The following SLC25A48 variants were observed in gnomAD, a reference collection of about 807,000 sequenced individuals.
The protein encoded by SLC25A48 is solute carrier family 25 member 48.
Under a neutral mutation model 32.2 loss-of-function variants are expected in SLC25A48, and 29 were observed. The observed-to-expected ratio is 0.90, with a 90% CI of 0.67 to 1.23. The LOEUF (loss-of-function observed/expected upper bound fraction) is 1.23, where lower values mean the gene tolerates loss of function less well. SLC25A48 is among the 50% of genes most tolerant of loss of function. The pLI is 0.00. For missense variants in SLC25A48, 399 were observed against 422.7 expected (o/e 0.94, Z 0.49); for synonymous variants, 164 against 172.3 (o/e 0.95, Z 0.38).
intron 3 of SLC25A48, chr5:135,714,821 G>A (rs1218140777): frequency 6.6e-6 from 1 of 152,378 alleles, no homozygotes; most frequent in Non-Finnish European, 1.5e-5. Context: ...CAAAGTCACT[G>A]GTGAGTGGAA....
At chr5:135,632,885 T>A (rs1752609749) in intron 2 of SLC25A48, among the ~76,000 whole-genome samples, 2 of 152,184 alleles carry the variant, frequency 1.3e-5, no homozygotes, top group South Asian at 2.1e-4. Flanking sequence ...CCTCCTCATG[T>A]GTCTCCTGCT....
intron 6 of SLC25A48, among the ~76,000 whole-genome samples, chr5:135,878,099 T>G (rs948961821): frequency 1.3e-5 from 2 of 152,214 alleles, no homozygotes; most frequent in Admixed American, 6.5e-5. Flanking sequence ...GGAGGTCATA[T>G]GCTCTGAAAG....
intron 3 of SLC25A48, among the ~76,000 whole-genome samples, chr5:135,668,228 C>A (rs1043567368): frequency 6.6e-6 from 1 of 152,144 alleles, no homozygotes; most frequent in Admixed American, 6.5e-5. Flanking sequence ...ATCATAATGA[C>A]CAAATGATCA....
At chr5:135,662,535 A>G (rs1337486657) in intron 3 of SLC25A48, among the ~76,000 whole-genome samples, 2 of 152,126 alleles carry the variant, frequency 1.3e-5, no homozygotes, top group African/African-American at 4.8e-5. Context: ...GTGGGTCTGC[A>G]TGGTCCTAAT....
At chr5:135,736,563 A>C (rs748650660) in intron 3 of SLC25A48, among the ~76,000 whole-genome samples, 35 of 152,056 alleles carry the variant, frequency 2.3e-4, no homozygotes, top group Non-Finnish European at 4.9e-4. Context: ...GCTTGCCCCT[A>C]AGAAAAGCGG....
intron 3 of SLC25A48, among the ~76,000 whole-genome samples, chr5:135,806,039 C>T (rs11960485): frequency 0.013 from 2,040 of 151,688 alleles, 46 homozygotes; most frequent in African/African-American, 0.047. Context: ...TCTGTCATGT[C>T]ATTTGTAATA....
upstream of SLC25A48, among the ~76,000 whole-genome samples, chr5:135,831,972 G>A (rs2126671127): frequency 6.6e-6 from 1 of 152,318 alleles, no homozygotes; most frequent in South Asian, 2.1e-4. Context: ...GGACACTCAG[G>A]ACTTTGCGGC....
intron 3 of SLC25A48, among the ~76,000 whole-genome samples, chr5:135,724,634 A>C (rs766387817): frequency 2.6e-5 from 4 of 152,224 alleles, no homozygotes; most frequent in Admixed American, 6.5e-5. Context: ...GGGCCCAGAG[A>C]CAGGAAAAGC....
At chr5:135,796,213 G>A (rs2126637906) in intron 3 of SLC25A48, among the ~76,000 whole-genome samples, 1 of 151,790 alleles carries the variant, frequency 6.6e-6, no homozygotes, top group South Asian at 2.1e-4. Context: ...ATCCATGGAA[G>A]AGAAGGTAAT....
chr5:135,779,154 G>C (rs1756656059), intron 3 of SLC25A48, among the ~76,000 whole-genome samples: 1 of 151,832 alleles, frequency 6.6e-6, no homozygotes, highest in South Asian at 2.1e-4. Flanking sequence ...CACCCCCTCT[G>C]TGATATTGTT....
At chr5:135,707,064 T>A (rs1754530188) in intron 3 of SLC25A48, among the ~76,000 whole-genome samples, 1 of 152,084 alleles carries the variant, frequency 6.6e-6, no homozygotes, top group Non-Finnish European at 1.5e-5. Flanking sequence ...CAGTGAGGCA[T>A]GACGAAGCCA....
intron 7 of SLC25A48, among the ~76,000 whole-genome samples, chr5:135,880,371 G>A (rs1043195627): frequency 6.6e-6 from 1 of 152,016 alleles, no homozygotes; most frequent in African/African-American, 2.4e-5. Flanking sequence ...CCTTCCAGCA[G>A]CTTCAACAGC....
intron 3 of SLC25A48, among the ~76,000 whole-genome samples, chr5:135,778,527 G>A (rs1179663442): frequency 6.6e-6 from 1 of 151,226 alleles, no homozygotes; most frequent in African/African-American, 2.4e-5. Context: ...ATGTCGCAGA[G>A]GGTGTACACC....
rs552018111 is a variant in SLC25A48, at chr5:135,863,660, T to G, written c.422-7801T>G. On this transcript the variant is annotated intron_variant, in intron 4 of 7. Transcript: ENST00000681962. ...TATGAAATAGGCCCACTTATCATCTTTATTTTACAGGTGAGAAAACCGAGG... is the reference window on the plus strand; with the variant it reads ...TATGAAATAGGCCCACTTATCATCTGTATTTTACAGGTGAGAAAACCGAGG... 4.6e-5 allele frequency among the ~76,000 whole-genome samples: 7 copies of G among 152,294 alleles called. No homozygotes were observed. The East Asian group carries it at 5.8e-4, about 13-fold the overall frequency.
chr5:135,772,384 A>G (rs750026141), intron 3 of SLC25A48, among the ~76,000 whole-genome samples: 1 of 151,484 alleles, frequency 6.6e-6, no homozygotes, highest in Non-Finnish European at 1.5e-5. Flanking sequence ...ACACTCCCCT[A>G]TGATATTCTT....
chr5:135,590,661 G>T (rs992914922), intron 1 of SLC25A48, among the ~76,000 whole-genome samples: 14 of 152,168 alleles, frequency 9.2e-5, no homozygotes, highest in African/African-American at 3.4e-4. Context: ...CGTTTCCAGG[G>T]CTGCTGCTGG....
chr5:135,756,541 C>T (rs988982149), intron 3 of SLC25A48, among the ~76,000 whole-genome samples: 8 of 151,926 alleles, frequency 5.3e-5, no homozygotes, highest in Admixed American at 2.6e-4. Context: ...CGTGGTGGTG[C>T]GTGCCTGTAA....
At chr5:135,702,068 A>G (rs1238771575) in intron 3 of SLC25A48, among the ~76,000 whole-genome samples, 2 of 152,258 alleles carry the variant, frequency 1.3e-5, no homozygotes, top group African/African-American at 4.8e-5. Context: ...GCTGGAAATC[A>G]TAGCAATTGC....
At chr5:135,778,171 G>T (rs535244783) in intron 3 of SLC25A48, among the ~76,000 whole-genome samples, 9 of 151,798 alleles carry the variant, frequency 5.9e-5, no homozygotes, top group South Asian at 4.2e-4. Flanking sequence ...TAATATTAAG[G>T]GGGGGAGAGG....
Sources: gnomAD v4.1 joint callset for allele counts (sites outside exome capture counted in the v4.1 genomes callset) on GRCh38, gnomAD v4.1.1 for gene constraint, MANE v1.5 for transcripts, NCBI Gene and HGNC (gene_info 2026-07-23, HGNC 2026-07-21) for gene names.